PTPRD: variants seen among roughly 807,000 people sequenced by gnomAD.
The protein encoded by PTPRD is protein tyrosine phosphatase receptor type D, also known as receptor-type tyrosine-protein phosphatase delta.
Under a neutral mutation model 214.5 loss-of-function variants are expected in PTPRD, and 34 were observed. The observed-to-expected ratio is 0.16, with a 90% CI of 0.12 to 0.21. PTPRD has a LOEUF of 0.21. Ranked by LOEUF, PTPRD falls within the 10% of genes least tolerant of loss-of-function variation. PTPRD has a pLI of 1.00. For missense variants in PTPRD, 2,545 were observed against 2,398.7 expected, an observed-to-expected ratio of 1.06 and a Z score of -1.27; for synonymous variants, 1,128 against 845.7, an observed-to-expected ratio of 1.33 and a Z score of -5.79.
intron 5 of PTPRD, among the ~76,000 whole-genome samples, chr9:9,792,700 T>A (rs573612033): frequency 5.5e-4 from 84 of 152,296 alleles, no homozygotes; most frequent in African/African-American, 1.9e-3. Flanking sequence ...TAAATCATAA[T>A]AGCTCATTGA....
intron 2 of PTPRD, among the ~76,000 whole-genome samples, chr9:10,580,604 T>C (rs2071387927): frequency 6.6e-6 from 1 of 152,114 alleles, no homozygotes; most frequent in African/African-American, 2.4e-5. Context: ...GGTGAAAGAG[T>C]ATTAATAATA....
chr9:9,419,576 G>A (rs1361985792), intron 8 of PTPRD, among the ~76,000 whole-genome samples: 1 of 151,672 alleles, frequency 6.6e-6, no homozygotes, highest in East Asian at 1.9e-4. Context: ...TATGTATATT[G>A]TTTATAAACT....
chr9:9,242,424 A>G (rs563877556), intron 9 of PTPRD, among the ~76,000 whole-genome samples: 1 of 152,132 alleles, frequency 6.6e-6, no homozygotes, highest in African/African-American at 2.4e-5. Flanking sequence ...CTCCTGGATA[A>G]TATCCTGCAG....
intron 5 of PTPRD, among the ~76,000 whole-genome samples, chr9:9,808,966 T>G (rs1380329970): frequency 7.8e-6 from 1 of 128,606 alleles, no homozygotes; most frequent in Non-Finnish European, 1.6e-5. Flanking sequence ...TTTTTTTTTT[T>G]GTAGAAACAA....
intron 11 of PTPRD, among the ~76,000 whole-genome samples, chr9:8,765,586 CCACAT>C (rs2094678203): frequency 6.6e-6 from 1 of 152,182 alleles, no homozygotes; most frequent in Non-Finnish European, 1.5e-5. Context: ...CTTGAGATGA[CCACAT>C]CTCTGGCCGA....
Position 8,902,101 on chromosome 9 carries a change from T to A in PTPRD, c.-104+116596A>T, listed in dbSNP as rs79402759. Among the ~76,000 whole-genome samples the A allele has an allele frequency of 2.6e-3, 397 of 151,694 alleles. 16 individuals are homozygous for A. The East Asian group carries it at 0.055, about 21-fold the overall frequency. Reference sequence around the variant, plus strand: ...ATTCAGTTATTTATGAGTCTATTACTGTATTATCATATACTATGCACATAT... The same window carrying A: ...ATTCAGTTATTTATGAGTCTATTACAGTATTATCATATACTATGCACATAT... On this transcript the variant is annotated intron_variant, in intron 11 of 45. Transcript: ENST00000381196.
chr9:10,475,942 C>T (rs761136635), intron 2 of PTPRD, among the ~76,000 whole-genome samples: 7 of 151,832 alleles, frequency 4.6e-5, no homozygotes, highest in Non-Finnish European at 8.8e-5. Context: ...TCCCTTCATG[C>T]TAAAAACTCT....
At chr9:9,185,990 G>A (rs1052859029) in intron 9 of PTPRD, among the ~76,000 whole-genome samples, 2 of 151,464 alleles carry the variant, frequency 1.3e-5, no homozygotes, top group Non-Finnish European at 2.9e-5. Flanking sequence ...TAACATCAGT[G>A]AGAAATAGAA....
intron 30 of PTPRD, among the ~76,000 whole-genome samples, chr9:8,481,522 T>C (rs1326594640): frequency 6.6e-6 from 1 of 152,190 alleles, no homozygotes; most frequent in Non-Finnish European, 1.5e-5. Context: ...TTTCTGGAGT[T>C]TGGGGAGTTT....
chr9:8,439,434 C>A (rs2095469088), intron 34 of PTPRD, among the ~76,000 whole-genome samples: 1 of 152,142 alleles, frequency 6.6e-6, no homozygotes, highest in East Asian at 1.9e-4. Flanking sequence ...GTTATCGTAC[C>A]TTTTCTTTGA....
chr9:9,396,574 A>C (rs1213585930), intron 9 of PTPRD, among the ~76,000 whole-genome samples: 1 of 151,976 alleles, frequency 6.6e-6, no homozygotes, highest in Non-Finnish European at 1.5e-5. Flanking sequence ...AAATTTTTTT[A>C]CGCCTTCAAA....
chr9:8,392,694 C>T (rs1489749036), intron 36 of PTPRD, among the ~76,000 whole-genome samples: 1 of 152,096 alleles, frequency 6.6e-6, no homozygotes, highest in Non-Finnish European at 1.5e-5. Context: ...GAATGAAAGC[C>T]TCCTTCTGGC....
intron 8 of PTPRD, among the ~76,000 whole-genome samples, chr9:9,427,444 A>G (rs1323216422): frequency 6.6e-6 from 1 of 152,244 alleles, no homozygotes; most frequent in African/African-American, 2.4e-5. Flanking sequence ...TGATTGGTGT[A>G]CGTAAAAGTG....
chr9:10,027,455 T>C (rs2096948232), intron 4 of PTPRD, among the ~76,000 whole-genome samples: 1 of 152,120 alleles, frequency 6.6e-6, no homozygotes, highest in South Asian at 2.1e-4. Context: ...CCAACAGTAT[T>C]TTGGGTCTGC....
chr9:9,108,571 T>G (rs1343492702), intron 10 of PTPRD, among the ~76,000 whole-genome samples: 1 of 152,196 alleles, frequency 6.6e-6, no homozygotes, highest in African/African-American at 2.4e-5. Flanking sequence ...ATCTTGGGCT[T>G]ATGCCACTTA....
chr9:8,698,755 G>A (rs990936232), intron 12 of PTPRD, among the ~76,000 whole-genome samples: 4 of 152,052 alleles, frequency 2.6e-5, no homozygotes, highest in African/African-American at 7.2e-5. Flanking sequence ...TCGCCTTTTC[G>A]CAGGAAACTA....
chr9:10,334,639 C>G (rs982140623), intron 3 of PTPRD, among the ~76,000 whole-genome samples: 1 of 151,448 alleles, frequency 6.6e-6, no homozygotes, highest in Non-Finnish European at 1.5e-5. Flanking sequence ...TTGCGGATGA[C>G]AAGATCACCT....
At chr9:10,441,641 G>T (rs969910114) in intron 2 of PTPRD, among the ~76,000 whole-genome samples, 1 of 151,180 alleles carries the variant, frequency 6.6e-6, no homozygotes, top group Admixed American at 6.6e-5. Flanking sequence ...TTCATGAGTT[G>T]GTATTTACAC....
intron 9 of PTPRD, among the ~76,000 whole-genome samples, chr9:9,209,728 T>G (rs1206217364): frequency 6.6e-6 from 1 of 152,212 alleles, no homozygotes; most frequent in Non-Finnish European, 1.5e-5. Flanking sequence ...ACTATTCTGT[T>G]GATTTTTATA....
Sources: allele counts gnomAD v4.1 joint callset (sites outside exome capture counted in the v4.1 genomes callset), GRCh38; gene constraint gnomAD v4.1.1; transcripts MANE v1.5; gene names NCBI Gene and HGNC (gene_info 2026-07-23, HGNC 2026-07-21).